PTPRU: variants seen among roughly 807,000 people sequenced by gnomAD.
PTPRU encodes the protein protein tyrosine phosphatase receptor type U.
PTPRU carries 69 observed loss-of-function variants against 166.3 expected under a neutral mutation model. The observed-to-expected ratio is 0.41, with a 90% CI of 0.34 to 0.51. The LOEUF is 0.51. Ranked by LOEUF, PTPRU falls within the 20% of genes least tolerant of loss-of-function variation. The pLI is 0.09. For synonymous variants in PTPRU, 793 were observed against 814.0 expected, an observed-to-expected ratio of 0.97 and a Z score of 0.44; for missense variants, 1,657 against 2,013.7, an observed-to-expected ratio of 0.82 and a Z score of 3.39.
chr1:29,281,451 A>T (rs563279344), intron 11 of PTPRU, among the ~76,000 whole-genome samples: 23 of 152,068 alleles, frequency 1.5e-4, no homozygotes, highest in African/African-American at 5.5e-4. Context: ...CAGGATGATG[A>T]TTGCAAGGCT....
Position 29,283,921 on chromosome 1 carries a change from C to T in PTPRU, c.2143-19C>T. ...GGTCGGGGCTTCAGCAACGCTGAGA[C>T]CCCCATCTGTGCCTCCAGGAGACCC... On this transcript the variant is annotated intron_variant, in intron 12 of 29. Coordinates refer to ENST00000373779, the MANE Select transcript of PTPRU (RefSeq NM_133178.4). 18 of 1,614,020 alleles carry T rather than the reference C, an allele frequency of 1.1e-5. No homozygotes were observed. The highest frequency in any genetic ancestry group is 1.5e-5 in the Non-Finnish European group (18 of 1,180,002).
chr1:29,303,302 C>T (rs879523427), intron 15 of PTPRU, among the ~76,000 whole-genome samples: 2 of 152,208 alleles, frequency 1.3e-5, no homozygotes, highest in Non-Finnish European at 2.9e-5. Flanking sequence ...TGGACCTCTC[C>T]ACCCACTCCC....
Position 29,259,999 on chromosome 1 carries a change from C to G in PTPRU, c.805C>G (p.Pro269Ala), listed in dbSNP as rs1684973754. The change falls in exon 6 of 30, where the codon CCG (proline) becomes GCG (alanine). Residue 269 changes from proline to alanine, a missense_variant. Coordinates refer to ENST00000373779, the MANE Select transcript of PTPRU (RefSeq NM_133178.4). ...QDLYRCVSQA[P>A]RGAGVSNFAE... The stretch of plus-strand genomic sequence containing the variant: ...CCTGTACCGCTGTGTGTCCCAGGCC[C>G]CGCGCGGCGCGGGCGTCTCTAACTT... The G allele has an allele frequency of 4.0e-6, 6 of 1,502,296 alleles. No individual in the cohort carries two copies. The East Asian group carries it at 1.6e-4, about 39-fold the overall frequency. The allele number at this position is 1,502,296 out of a possible 1,614,324, so 93.1% of individuals were successfully genotyped here. A position where few individuals can be genotyped will look rare whatever the true frequency, so the allele number is the denominator to read the frequency against.
chr1:29,271,872 G>C lies in PTPRU; in HGVS notation c.1145-3576G>C, dbSNP rs1358019580. Among the ~76,000 whole-genome samples the C allele has an allele frequency of 6.6e-6, 1 of 152,218 alleles. No homozygotes were observed. The highest frequency in any genetic ancestry group is 2.1e-4 in the South Asian group (1 of 4,832). On this transcript the variant is annotated intron_variant, in intron 7 of 29. Coordinates refer to ENST00000373779, the MANE Select transcript of PTPRU (RefSeq NM_133178.4). This position sits in a 1 kb window ranked among gnomAD's most constrained non-coding sequence, Gnocchi z 4.4. Reference sequence around the variant, plus strand: ...CAAGCCCTAGAGGCTGGAAAGGAATGCAGGGCAGCATTCCAGGGGGTGGGG... The same window carrying C: ...CAAGCCCTAGAGGCTGGAAAGGAATCCAGGGCAGCATTCCAGGGGGTGGGG...
Position 29,260,777 on chromosome 1 carries a change from C to G in PTPRU, c.1018C>G (p.Gln340Glu). ...GGCTGAGGTGCACGCCGTCAGCCTG[C>G]AGACCTACAAGCTGTGGCACCTCGA... The part of the protein sequence containing the change: ...PWAEVHAVSL[Q>E]TYKLWHLDPD... Residue 340 changes from glutamine (Q) to glutamate (E), a missense_variant, in exon 7 of 30, where the codon CAG (glutamine) becomes GAG (glutamate). This residue lies in a region of PTPRU where 453 missense variants were observed against 496.9 expected (regional missense o/e 0.91). Transcript: ENST00000373779. The surrounding 1 kb of genome is among the most constrained non-coding windows in gnomAD (Gnocchi z 8.3). 2 of 1,613,496 alleles carry G rather than the reference C, an allele frequency of 1.2e-6. No individual in the cohort carries two copies. The highest frequency in any genetic ancestry group is 1.7e-6 in the Non-Finnish European group (2 of 1,179,732).
rs1011238157 is a variant in PTPRU at position 29,326,084 on chromosome 1, C to T, written c.*423C>T. The T allele has an allele frequency of 5.0e-6, 2 of 399,914 alleles. No homozygotes were observed. The highest frequency in any genetic ancestry group is 2.1e-5 in the African/African-American group (1 of 48,606). 24.8% of individuals were successfully genotyped at this position (399,914 alleles called of 1,614,324 possible). A position where few individuals can be genotyped will look rare whatever the true frequency, so the allele number is the denominator to read the frequency against. On this transcript the variant is annotated 3_prime_UTR_variant, in exon 30 of 30. Transcript: ENST00000373779. Reference sequence around the variant, plus strand: ...GTTCCCACTCAGCCTGCCCCCTCTGCATGTGGGTAGAGGATGTACTGGGAC... The same window carrying T: ...GTTCCCACTCAGCCTGCCCCCTCTGTATGTGGGTAGAGGATGTACTGGGAC...
intron 15 of PTPRU, among the ~76,000 whole-genome samples, chr1:29,296,020 T>G (rs1686867394): frequency 6.6e-6 from 1 of 152,222 alleles, no homozygotes; most frequent in Non-Finnish European, 1.5e-5. Context: ...TATGCTTTCT[T>G]ATTCTCATTT....
At chr1:29,296,601 T>C (rs1686892346) in intron 15 of PTPRU, among the ~76,000 whole-genome samples, 1 of 151,356 alleles carries the variant, frequency 6.6e-6, no homozygotes, top group African/African-American at 2.4e-5. Context: ...CTCGACCTCC[T>C]GGGCTCAAGT....
At position 29,311,622 on chromosome 1, in the gene PTPRU, C is replaced by A; in HGVS notation, c.2956-21C>A. ...GGGGGCAGCAAAGAGCCCACTGAGT[C>A]CCGTCCTGTGGGGCCTCTAGGTGAA... On this transcript the variant is annotated intron_variant, in intron 20 of 29. Transcript: ENST00000373779. The surrounding 1 kb of genome is among the most constrained non-coding windows in gnomAD (Gnocchi z 4.1). The A allele has an allele frequency of 6.2e-7, 1 of 1,613,844 alleles. No individual in the cohort carries two copies. The highest frequency in any genetic ancestry group is 8.5e-7 in the Non-Finnish European group (1 of 1,179,764).
chr1:29,283,021 G>A (rs1287513464), intron 12 of PTPRU, 72 bp downstream of exon 12: 4 of 1,569,778 alleles, frequency 2.5e-6, no homozygotes, highest in Non-Finnish European at 2.6e-6. Context: ...ATACCTTGGA[G>A]CAGGCCCAGC....
chr1:29,284,830 T>C lies in PTPRU; in HGVS notation c.2279T>C (p.Ile760Thr). 1 of 1,613,400 alleles carries C rather than the reference T, an allele frequency of 6.2e-7. No individual in the cohort carries two copies. The highest frequency in any genetic ancestry group is 8.5e-7 in the Non-Finnish European group (1 of 1,179,518). Residue 760 changes from isoleucine to threonine, a missense_variant, in exon 14 of 30, where the codon ATC becomes ACC. Physicochemically the swap from Ile to Thr is moderately conservative, Grantham distance 89. Transcript: ENST00000373779. ...TGTGCAGGGGGGCTTGCTGTCCTCA[T>C]CCTTCTCCTGGGTGCCATCATTGTC... is the stretch of plus-strand genomic sequence containing the variant. ...GICAGGLAVL[I>T]LLLGAIIVII...
At chr1:29,306,830 C>T (rs1312070693) in intron 18 of PTPRU, among the ~76,000 whole-genome samples, 1 of 152,196 alleles carries the variant, frequency 6.6e-6, no homozygotes, top group Non-Finnish European at 1.5e-5. Flanking sequence ...CTCCCCCACT[C>T]ATCCTGTCCC....
chr1:29,308,559 C>T (rs1687504118), intron 18 of PTPRU, among the ~76,000 whole-genome samples: 1 of 93,934 alleles, frequency 1.1e-5, no homozygotes, highest in Non-Finnish European at 1.8e-5. Context: ...AGAGCCAGTC[C>T]CTGTCTCAAA....
intron 2 of PTPRU, among the ~76,000 whole-genome samples, chr1:29,256,309 A>G (rs1684769019): frequency 6.6e-6 from 1 of 152,176 alleles, no homozygotes; most frequent in Non-Finnish European, 1.5e-5. Flanking sequence ...ATAAAGGCCA[A>G]ATTGTCAACT....
chr1:29,260,041 A>G lies in PTPRU; in HGVS notation c.847A>G (p.Lys283Glu). 6.9e-7 allele frequency: 1 copy of G among 1,442,008 alleles called. No homozygotes were observed. Among genetic ancestry groups the G allele is most frequent in the Non-Finnish European group, 9.1e-7 (1 of 1,103,204 alleles). The allele number at this position is 1,442,008 out of a possible 1,614,324, so 89.3% of individuals were successfully genotyped here. Residue 283 changes from lysine to glutamate, a missense_variant, in exon 6 of 30, where the codon AAG becomes GAG. Lys to Glu is a moderately conservative substitution (Grantham distance 56). Around this residue, in one of 3 missense-constraint regions of PTPRU, gnomAD observed 453 missense variants for 496.9 expected, o/e 0.91. Transcript: ENST00000373779. This position sits in a 1 kb window ranked among gnomAD's most constrained non-coding sequence, Gnocchi z 8.3. Reference sequence around the variant, plus strand: ...CTCTAACTTCGCGGAGCTCATCGTCAAGGGTCAGCTGGTGGACGCCGGGGA... The same window carrying G: ...CTCTAACTTCGCGGAGCTCATCGTCGAGGGTCAGCTGGTGGACGCCGGGGA... ...GVSNFAELIV[K>E]EPPTPIAPPQ...
intron 25 of PTPRU, among the ~76,000 whole-genome samples, chr1:29,319,173 C>T (rs1688037014): frequency 6.6e-6 from 1 of 152,118 alleles, no homozygotes; most frequent in Non-Finnish European, 1.5e-5. Flanking sequence ...GACATCTGGC[C>T]TGCTGAGGGG....
At position 29,305,441 on chromosome 1, in the gene PTPRU, C is replaced by A. The variant is rs1687345497; in HGVS notation, c.2820+13C>A. 3.7e-6 allele frequency: 6 copies of A among 1,611,906 alleles called. No individual in the cohort carries two copies. The East Asian group carries it at 1.1e-4, about 30-fold the overall frequency. ...CAACTACATAGATGTGAGTGCCTTG[C>A]CCTGTCATTTCTGCAGACCTGGCCC... On this transcript the variant is annotated intron_variant, in intron 18 of 29. Coordinates refer to ENST00000373779, the MANE Select transcript of PTPRU (RefSeq NM_133178.4).
chr1:29,315,873 G>C lies in PTPRU; in HGVS notation c.3364-129G>C. ...GGTTGTTTCAGGTAGGCTTGGTCCA[G>C]CCTGTAGTAACATGGTTGGCCTCCA... On this transcript the variant is annotated intron_variant, in intron 23 of 29. Coordinates refer to ENST00000373779, the MANE Select transcript of PTPRU (RefSeq NM_133178.4). This position sits in a 1 kb window ranked among gnomAD's most constrained non-coding sequence, Gnocchi z 4.5. 8.4e-7 allele frequency: 1 copy of C among 1,193,642 alleles called. No homozygotes were observed. Among genetic ancestry groups the C allele is most frequent in the Non-Finnish European group, 1.2e-6 (1 of 857,476 alleles). The allele number at this position is 1,193,642 out of a possible 1,614,324, so 73.9% of individuals were successfully genotyped here. A position where few individuals can be genotyped will look rare whatever the true frequency, so the allele number is the denominator to read the frequency against.
chr1:29,304,964 CT>C, intron 17 of PTPRU, 115 bp downstream of exon 17: 1 of 921,446 alleles, frequency 1.1e-6, no homozygotes, highest in Non-Finnish European at 1.6e-6. Context: ...CATTGGCCAC[CT>C]TTTATTGAGG....
Sources: gnomAD v4.1 joint callset for allele counts (sites outside exome capture counted in the v4.1 genomes callset) on GRCh38, gnomAD v4.1.1 for gene constraint, gnomAD v4.1.1 regional missense constraint, Gnocchi (gnomAD v3.1) non-coding constraint, MANE v1.5 for transcripts, NCBI Gene and HGNC (gene_info 2026-07-23, HGNC 2026-07-21) for gene names.